Variants in ATXN1 observed in about 807,000 individuals in gnomAD.
The protein encoded by ATXN1 is ataxin-1.
Under a neutral mutation model 56.4 loss-of-function variants are expected in ATXN1, and 8 were observed. The ratio of observed to expected loss-of-function variants is 0.14; its 90% CI spans 0.08 to 0.26. ATXN1 has a LOEUF of 0.26. ATXN1 is among the 10% of genes least tolerant of loss of function. The pLI, the probability that ATXN1 is intolerant of heterozygous loss-of-function variation, is 1.00. For missense variants in ATXN1, 987 were observed against 1,106.5 expected, an observed-to-expected ratio of 0.89 and a Z score of 1.53; for synonymous variants, 514 against 494.6, an observed-to-expected ratio of 1.04 and a Z score of -0.52.
chr6:16,417,333 C>T (rs1270616753), intron 6 of ATXN1, among the ~76,000 whole-genome samples: 1 of 152,154 alleles, frequency 6.6e-6, no homozygotes, highest in Non-Finnish European at 1.5e-5. Context: ...CCACACCAAG[C>T]CCAATCAATA....
chr6:16,373,738 A>T (rs142676146), intron 6 of ATXN1, among the ~76,000 whole-genome samples: 1 of 152,168 alleles, frequency 6.6e-6, no homozygotes, highest in Non-Finnish European at 1.5e-5. Context: ...CATGTAAGAC[A>T]TGCCTTTTGC....
intron 6 of ATXN1, among the ~76,000 whole-genome samples, chr6:16,377,721 A>G (rs368045376): frequency 6.6e-6 from 1 of 152,242 alleles, no homozygotes; most frequent in African/African-American, 2.4e-5. Flanking sequence ...AATGTGGCAC[A>G]GAGAAGACAA....
intron 2 of ATXN1, among the ~76,000 whole-genome samples, chr6:16,734,800 A>G (rs185337253): frequency 6.6e-6 from 1 of 152,304 alleles, no homozygotes; most frequent in Admixed American, 6.5e-5. Context: ...AGTCTTAAAA[A>G]TATTTTAAAA....
At chr6:16,606,888 T>TGTGTGTGTGTG (rs145108851) in intron 3 of ATXN1, among the ~76,000 whole-genome samples, 12 of 147,018 alleles carry the variant, frequency 8.2e-5, no homozygotes, top group South Asian at 2.2e-4. Flanking sequence ...TGTGTGTGTG[T>TGTGTGTGTGTG]TGTTTGTTTG....
chr6:16,453,619 T>C (rs1759801280), intron 6 of ATXN1, among the ~76,000 whole-genome samples: 2 of 152,160 alleles, frequency 1.3e-5, no homozygotes, highest in Admixed American at 1.3e-4. Context: ...CACCTGATAC[T>C]TTAAAAACTT....
chr6:16,523,242 G>A (rs865899654), intron 4 of ATXN1, among the ~76,000 whole-genome samples: 2 of 151,964 alleles, frequency 1.3e-5, no homozygotes, highest in Admixed American at 6.6e-5. Context: ...TTTGTTACCC[G>A]GGTTTGTCAT....
intron 2 of ATXN1, among the ~76,000 whole-genome samples, chr6:16,707,220 A>T (rs887542546): frequency 1.3e-5 from 2 of 152,124 alleles, no homozygotes; most frequent in Non-Finnish European, 1.5e-5. Flanking sequence ...TGTGTTTTAC[A>T]TGTCTTATTT....
chr6:16,321,851 A>G (rs1760660816), intron 7 of ATXN1, among the ~76,000 whole-genome samples: 2 of 152,314 alleles, frequency 1.3e-5, no homozygotes, highest in South Asian at 4.1e-4. Flanking sequence ...AAATTTTTAC[A>G]AGGGCTGTGC....
chr6:16,740,138 T>C (rs1193671117), intron 2 of ATXN1, among the ~76,000 whole-genome samples: 1 of 152,198 alleles, frequency 6.6e-6, no homozygotes, highest in African/African-American at 2.4e-5. Context: ...TCTGAGTATT[T>C]CTGCAACTAA....
intron 6 of ATXN1, among the ~76,000 whole-genome samples, chr6:16,388,046 A>G (rs1758276601): frequency 6.6e-6 from 1 of 152,258 alleles, no homozygotes; most frequent in Non-Finnish European, 1.5e-5. Flanking sequence ...CCCCAAGTCC[A>G]TAGATGTGAT....
chr6:16,490,483 G>A (rs147305468), intron 5 of ATXN1, among the ~76,000 whole-genome samples: 46 of 152,222 alleles, frequency 3.0e-4, no homozygotes, highest in Non-Finnish European at 5.7e-4. Context: ...TAAAACTCTG[G>A]AGCTTGATTT....
chr6:16,625,412 G>A (rs1409626008), intron 3 of ATXN1, among the ~76,000 whole-genome samples: 1 of 152,130 alleles, frequency 6.6e-6, no homozygotes, highest in Non-Finnish European at 1.5e-5. Flanking sequence ...AGGGGGCTAG[G>A]GATTTAGGGA....
intron 2 of ATXN1, among the ~76,000 whole-genome samples, chr6:16,661,970 C>A (rs1758329488): frequency 6.6e-6 from 1 of 152,150 alleles, no homozygotes; most frequent in African/African-American, 2.4e-5. Context: ...AGATAATAAA[C>A]ACTTGTTGTT....
chr6:16,458,140 A>T (rs1024164407), intron 6 of ATXN1, among the ~76,000 whole-genome samples: 21 of 152,210 alleles, frequency 1.4e-4, no homozygotes, highest in Non-Finnish European at 7.3e-5. Context: ...ATCTTAGTCA[A>T]GTAAATGACA....
chr6:16,465,007 T>C (rs1235418337), intron 6 of ATXN1, among the ~76,000 whole-genome samples: 2 of 152,188 alleles, frequency 1.3e-5, no homozygotes, highest in African/African-American at 2.4e-5. Flanking sequence ...TAGGAACTCT[T>C]TGTACTTTCA....
At chr6:16,727,377 C>CT (rs1759873073) in intron 2 of ATXN1, among the ~76,000 whole-genome samples, 1 of 152,162 alleles carries the variant, frequency 6.6e-6, no homozygotes. Context: ...ACCACCGTCT[C>CT]TGTCAATTAT....
intron 6 of ATXN1, chr6:16,485,699 A>G (rs1760529865): frequency 6.6e-6 from 1 of 152,228 alleles, no homozygotes. Context: ...TGTTCCTACA[A>G]TGAAAGAATC....
intron 6 of ATXN1, among the ~76,000 whole-genome samples, chr6:16,457,828 A>T (rs1296324118): frequency 6.6e-6 from 1 of 152,182 alleles, no homozygotes; most frequent in African/African-American, 2.4e-5. Flanking sequence ...GAAGGAAACA[A>T]GCAAAGAAAT....
At chr6:16,701,605 C>T (rs1421594559) in intron 2 of ATXN1, among the ~76,000 whole-genome samples, 1 of 152,194 alleles carries the variant, frequency 6.6e-6, no homozygotes, top group Admixed American at 6.5e-5. Context: ...CAGCCCAAAT[C>T]TCCTTAAGCT....
Sources: gnomAD v4.1 joint callset for allele counts (sites outside exome capture counted in the v4.1 genomes callset) on GRCh38, gnomAD v4.1.1 for gene constraint, MANE v1.5 for transcripts, NCBI Gene and HGNC (gene_info 2026-07-23, HGNC 2026-07-21) for gene names.